KRT4: variants seen among roughly 807,000 people sequenced by gnomAD.
The protein encoded by KRT4 is keratin, type II cytoskeletal 4.
KRT4 carries 47 observed loss-of-function variants against 50.6 expected under a neutral mutation model. The ratio of observed to expected loss-of-function variants is 0.93; its 90% CI spans 0.73 to 1.18. KRT4 has a LOEUF of 1.18. KRT4 is among the 50% of genes most tolerant of loss of function. KRT4 has a pLI of 0.00. For synonymous variants in KRT4, 254 were observed against 251.2 expected (o/e 1.01, Z -0.10); for missense variants, 651 against 645.7 (o/e 1.01, Z -0.09).
In KRT4 at chr12:52,809,594, C is replaced by G; in HGVS notation, c.739-116G>C. 3 of 789,226 alleles carry G rather than the reference C, an allele frequency of 3.8e-6. No homozygotes were observed. The South Asian group carries it at 4.1e-5, about 11-fold the overall frequency. 48.9% of individuals were successfully genotyped at this position (789,226 alleles called of 1,614,324 possible). ...GCATTTAGGAAAGACTACTCAGCAG[C>G]AGGGGAGCTGGTGGGAGACCAATTA... On this transcript the variant is annotated intron_variant, in intron 3 of 8. Coordinates refer to ENST00000551956, the MANE Select transcript of KRT4 (RefSeq NM_002272.4).
At chr12:52,808,006 C>G in intron 6 of KRT4, 142 bp from the exon 7 acceptor site, 1 of 818,996 alleles carries the variant, frequency 1.2e-6, no homozygotes, top group South Asian at 1.5e-5. Flanking sequence ...GAGACTTATG[C>G]ATCTCATTCA....
chr12:52,810,878 TCTG>T (rs766448448), intron 2 of KRT4, 62 bp from the exon 3 acceptor site: 329 of 1,352,816 alleles, frequency 2.4e-4, no homozygotes, highest in Non-Finnish European at 3.3e-4. Context: ...TTCTCAGATC[TCTG>T]CTGCTTGTTT....
chr12:52,812,091 C>A, intron 1 of KRT4, 114 bp from the exon 2 acceptor site: 1 of 771,098 alleles, frequency 1.3e-6, no homozygotes, highest in South Asian at 1.5e-5. Context: ...CAAGAACCAC[C>A]CAAGTAGGGC....
chr12:52,811,975 C>T lies in KRT4; in HGVS notation c.465G>A (p.Val155=), dbSNP rs777927622. 3.7e-6 allele frequency: 6 copies of T among 1,612,458 alleles called. No homozygotes were observed. The South Asian group carries it at 5.5e-5, about 15-fold the overall frequency. The change falls in exon 2 of 9, where the codon GTG becomes GTA. Residue 155 remains valine, a splice_region_variant and synonymous_variant. Transcript: ENST00000551956. ...CCTTATTCTGTTGCTCTAAGAACTG[C>T]ACCTGTGTTGATAAAGGCACCAGCC... ...NNKFASFIDK[V]QFLEQQNKVL... is the part of the protein sequence containing the mutation.
Position 52,808,215 on chromosome 12 carries a change from T to A in KRT4, c.1125+79A>T, listed in dbSNP as rs937924896. ...AGCTCAGGGTCTTCTGGCCTGATGCTTTATCTGCTTGTCCACTCTGGAGAT... is the reference window on the plus strand; with the variant it reads ...AGCTCAGGGTCTTCTGGCCTGATGCATTATCTGCTTGTCCACTCTGGAGAT... On this transcript the variant is annotated intron_variant, in intron 6 of 8. Transcript: ENST00000551956. 1.9e-6 allele frequency: 3 copies of A among 1,565,278 alleles called. No homozygotes were observed. In the African/African-American group the frequency reaches 4.1e-5, roughly 21 times the overall value.
At chr12:52,812,030 G>A in intron 1 of KRT4, 53 bp from the exon 2 acceptor site, 1 of 1,480,986 alleles carries the variant, frequency 6.8e-7, no homozygotes, top group Non-Finnish European at 9.3e-7. Context: ...TGTGGCAGGA[G>A]GGCCAGCCAA....
chr12:52,813,498 GT>G (rs1475453974), intron 1 of KRT4, 98 bp downstream of exon 1: 4 of 1,060,478 alleles, frequency 3.8e-6, no homozygotes, highest in Non-Finnish European at 5.9e-6. Flanking sequence ...GGGAAGTTCA[GT>G]GGTCTCCCCA....
intron 5 of KRT4, 103 bp downstream of exon 5, chr12:52,808,583 T>C: frequency 1.3e-6 from 2 of 1,496,580 alleles, no homozygotes; most frequent in Non-Finnish European, 1.9e-6. Flanking sequence ...AGTCTGTTCA[T>C]ATCTGACTTC....
At chr12:52,811,701 G>A (rs1479379481) in intron 2 of KRT4, 62 bp downstream of exon 2, 24 of 1,380,244 alleles carry the variant, frequency 1.7e-5, no homozygotes, top group Non-Finnish European at 2.2e-5. Context: ...AGAGAGCCCC[G>A]GGAGCCTGGG....
At position 52,813,606 on chromosome 12, in the gene KRT4, G is replaced by A; in HGVS notation, c.453C>T (p.Phe151=). The change falls in exon 1 of 9, where the codon TTC becomes TTT. Residue 151 remains phenylalanine, a synonymous_variant. Coordinates refer to ENST00000551956, the MANE Select transcript of KRT4 (RefSeq NM_002272.4). ...CGAGGACACAGCTCACCTTGTCGAT[G>A]AAGGAGGCAAACTTGTTGTTGAGGA... ...IKLLNNKFAS[F]IDKVQFLEQQ... The A allele has an allele frequency of 6.2e-7, 1 of 1,613,842 alleles. No homozygotes were observed. Among genetic ancestry groups the A allele is most frequent in the Non-Finnish European group, 8.5e-7 (1 of 1,179,888 alleles).
Position 52,814,089 on chromosome 12 carries a change from A to G in KRT4, c.-31T>C, listed in dbSNP as rs779809612. 18 of 1,613,742 alleles carry G rather than the reference A, an allele frequency of 1.1e-5. No homozygotes were observed. The highest frequency in any genetic ancestry group is 1.4e-5 in the Non-Finnish European group (17 of 1,179,914). ...CAGAGAGCGAGCTGGGAGCTATCAG[A>G]GAAGTGACAGGGCCCAGGCCGGTGA... On this transcript the variant is annotated 5_prime_UTR_variant, in exon 1 of 9. Transcript: ENST00000551956.
chr12:52,810,902 CCAAA>C, intron 2 of KRT4, 86 bp from the exon 3 acceptor site: 2 of 1,136,910 alleles, frequency 1.8e-6, no homozygotes, highest in Non-Finnish European at 2.7e-6. Flanking sequence ...TCAAGCATTT[CCAAA>C]CAAATTTGGA....
intron 7 of KRT4, 73 bp downstream of exon 7, chr12:52,807,571 G>T: frequency 6.4e-7 from 1 of 1,552,810 alleles, no homozygotes; most frequent in South Asian, 1.1e-5. Context: ...CTTGCAGCCC[G>T]GCAGAGGCAT....
chr12:52,807,560 G>A (rs920695363), intron 7 of KRT4, 84 bp downstream of exon 7: 163 of 1,534,294 alleles, frequency 1.1e-4, no homozygotes, highest in Non-Finnish European at 1.5e-4. Flanking sequence ...CAACACTGAT[G>A]CTTGCAGCCC....
intron 1 of KRT4, 25 bp downstream of exon 1, chr12:52,813,572 C>T: frequency 3.1e-6 from 5 of 1,606,062 alleles, no homozygotes; most frequent in African/African-American, 2.7e-5. Context: ...CTAACTGCCC[C>T]TCTCCAGCCG....
chr12:52,808,511 G>T, intron 5 of KRT4, 92 bp from the exon 6 acceptor site: 2 of 1,568,990 alleles, frequency 1.3e-6, no homozygotes, highest in Non-Finnish European at 1.8e-6. Context: ...GCCACAGGTG[G>T]CAAGAATAGC....
chr12:52,812,847 C>A (rs1007248557), intron 1 of KRT4, among the ~76,000 whole-genome samples: 4 of 152,316 alleles, frequency 2.6e-5, no homozygotes, highest in African/African-American at 4.8e-5. Context: ...TATGTCGAAG[C>A]TGCCCAAGAC....
chr12:52,813,574 C>T, intron 1 of KRT4, 23 bp downstream of exon 1: 2 of 1,609,066 alleles, frequency 1.2e-6, no homozygotes, highest in Non-Finnish European at 1.7e-6. Flanking sequence ...AACTGCCCCT[C>T]TCCAGCCGAG....
Position 52,811,951 on chromosome 12 carries a change from C to T in KRT4, c.489G>A (p.Lys163=), listed in dbSNP as rs756125593. 2.9e-5 allele frequency: 46 copies of T among 1,613,706 alleles called. No homozygotes were observed. Among genetic ancestry groups the T allele is most frequent in the Non-Finnish European group, 3.7e-5 (44 of 1,179,972 alleles). The change falls in exon 2 of 9, where the codon AAG becomes AAA. Residue 163 remains lysine (K), a synonymous_variant. Coordinates refer to ENST00000551956, the MANE Select transcript of KRT4 (RefSeq NM_002272.4). The part of the protein sequence containing the change: ...DKVQFLEQQN[K]VLETKWNLLQ... ...GCAGGTTCCATTTGGTCTCCAGGAC[C>T]TTATTCTGTTGCTCTAAGAACTGCA...
Sources: gnomAD v4.1 joint callset for allele counts (sites outside exome capture counted in the v4.1 genomes callset) on GRCh38, gnomAD v4.1.1 for gene constraint, MANE v1.5 for transcripts, NCBI Gene and HGNC (gene_info 2026-07-23, HGNC 2026-07-21) for gene names.